The following DAPK2 variants were observed in gnomAD, a reference collection of about 807,000 sequenced individuals.
DAPK2 encodes death associated protein kinase 2, also known as death-associated protein kinase 2.
In DAPK2, 35 loss-of-function variants were observed where a neutral mutation model predicts 44.1. The ratio of observed to expected loss-of-function variants is 0.79; its 90% CI spans 0.61 to 1.05. The LOEUF is 1.05. Among genes scored for constraint, DAPK2 ranks in the 50% least tolerant of loss-of-function variants. DAPK2 has a pLI of 0.00. For synonymous variants in DAPK2, 174 were observed against 182.6 expected (o/e 0.95, Z 0.38); for missense variants, 453 against 483.2 (o/e 0.94, Z 0.59).
At chr15:63,985,938 C>T (rs745635699) in intron 1 of DAPK2, among the ~76,000 whole-genome samples, 8 of 152,316 alleles carry the variant, frequency 5.3e-5, no homozygotes, top group Middle Eastern at 3.4e-3. Context: ...TGAGTGGTGA[C>T]CGGGGCAGGC....
At chr15:63,932,277 C>T (rs1041134536) in intron 4 of DAPK2, among the ~76,000 whole-genome samples, 3 of 151,518 alleles carry the variant, frequency 2.0e-5, no homozygotes, top group African/African-American at 7.3e-5. Context: ...ATCAGCCTGA[C>T]CAACATGGAG....
intron 1 of DAPK2, among the ~76,000 whole-genome samples, chr15:64,024,389 G>A (rs2079777392): frequency 6.6e-6 from 1 of 152,162 alleles, no homozygotes; most frequent in Non-Finnish European, 1.5e-5. Context: ...GCCTGGGTTG[G>A]GGAACAGGAC....
chr15:64,017,248 G>T (rs970104338), intron 1 of DAPK2, among the ~76,000 whole-genome samples: 1 of 152,180 alleles, frequency 6.6e-6, no homozygotes, highest in Non-Finnish European at 1.5e-5. Flanking sequence ...ATGATGTTGA[G>T]TGAGTCACCT....
At chr15:63,971,637 G>A in intron 2 of DAPK2, 76 bp from the exon 4 acceptor site, 1 of 1,519,088 alleles carries the variant, frequency 6.6e-7, no homozygotes, top group Non-Finnish European at 8.9e-7. Context: ...GCTGATAGGG[G>A]CAAGCCCTCA....
At chr15:63,922,864 G>T (rs1243598523) in intron 8 of DAPK2, 10 of 1,535,828 alleles carry the variant, frequency 6.5e-6, no homozygotes, top group Non-Finnish European at 8.7e-6. Flanking sequence ...GCTGGAAGCT[G>T]CCCACCAGCT....
chr15:63,916,180 T>C lies in DAPK2; in HGVS notation c.859-3983A>G, dbSNP rs542665246. On this transcript the variant is annotated intron_variant, in intron 8 of 10. Transcript: ENST00000261891. The surrounding 1 kb of genome is among the most constrained non-coding windows in gnomAD (Gnocchi z 4.7). ...CAAGTTTTGTTTATGCAGCTGCAAA[T>C]GCCTTTGAAAAAGTCCAGTGGGGTG... The C allele has an allele frequency of 1.3e-5, 2 of 151,440 alleles. No homozygotes were observed. Among genetic ancestry groups the C allele is most frequent in the East Asian group, 3.9e-4 (2 of 5,182 alleles). The allele number at this position is 151,440 out of a possible 1,614,324, so 9.4% of individuals were successfully genotyped here. A position where few individuals can be genotyped will look rare whatever the true frequency, so the allele number is the denominator to read the frequency against.
chr15:63,949,313 TC>T, intron 3 of DAPK2, among the ~76,000 whole-genome samples: 1 of 152,268 alleles, frequency 6.6e-6, no homozygotes, highest in South Asian at 2.1e-4. Context: ...GTCTCTATAC[TC>T]TCATGGGATA....
Position 63,939,166 on chromosome 15 carries a change from T to A in DAPK2, c.583+66A>T. On this transcript the variant is annotated intron_variant, in intron 4 of 10. Coordinates refer to ENST00000261891, the Ensembl canonical transcript of DAPK2. The surrounding 1 kb of genome is among the most constrained non-coding windows in gnomAD (Gnocchi z 4.3). ...GAGGCCATAGCCCCAGACACAGGTT[T>A]CTTCCCAGGATCCCTACCTTTGATG... The A allele has an allele frequency of 6.3e-7, 1 of 1,598,554 alleles. No individual in the cohort carries two copies. The highest frequency in any genetic ancestry group is 8.5e-7 in the Non-Finnish European group (1 of 1,171,974).
intron 3 of DAPK2, among the ~76,000 whole-genome samples, chr15:63,955,534 A>T (rs1286266579): frequency 2.0e-5 from 3 of 152,068 alleles, no homozygotes; most frequent in African/African-American, 7.3e-5. Flanking sequence ...ATTTTTCAGC[A>T]TAGTTTGAGT....
chr15:63,951,294 C>T (rs1289609120), intron 3 of DAPK2, among the ~76,000 whole-genome samples: 1 of 152,132 alleles, frequency 6.6e-6, no homozygotes. Flanking sequence ...TCTACAAGGC[C>T]TCTGTGTTGG....
chr15:64,009,662 C>T (rs2079332222), intron 1 of DAPK2, among the ~76,000 whole-genome samples: 1 of 152,088 alleles, frequency 6.6e-6, no homozygotes, highest in South Asian at 2.1e-4. Context: ...GACCATGCCA[C>T]CCCCCAGGAA....
chr15:63,923,169 C>G lies in DAPK2; in HGVS notation c.858+1647G>C, dbSNP rs757969319. On this transcript the variant is annotated intron_variant, in intron 8 of 10. Transcript: ENST00000261891. This position sits in a 1 kb window ranked among gnomAD's most constrained non-coding sequence, Gnocchi z 4.2. Reference sequence around the variant, plus strand: ...TGGGCCTCCACCAGGGCACGGCATCCCAGGTCGACCCGAGCCACGTCTTCC... The same window carrying G: ...TGGGCCTCCACCAGGGCACGGCATCGCAGGTCGACCCGAGCCACGTCTTCC... 6.5e-6 allele frequency: 10 copies of G among 1,535,738 alleles called. No homozygotes were observed. The highest frequency in any genetic ancestry group is 5.5e-5 in the African/African-American group (4 of 73,014).
intron 4 of DAPK2, chr15:63,932,807 T>C (rs2077010911): frequency 6.6e-6 from 1 of 152,218 alleles, no homozygotes; most frequent in South Asian, 2.1e-4. Flanking sequence ...TTTAGCTTTA[T>C]AAAAATGCTG....
At chr15:63,974,438 G>A (rs2078292328) in intron 2 of DAPK2, among the ~76,000 whole-genome samples, 1 of 152,176 alleles carries the variant, frequency 6.6e-6, no homozygotes, top group African/African-American at 2.4e-5. Context: ...TGGAAAAGTG[G>A]AACAACTTGA....
exon 2 of DAPK2, chr15:63,983,629 C>A (rs373888721): frequency 3.7e-6 from 6 of 1,614,186 alleles, no homozygotes; most frequent in Non-Finnish European, 5.1e-6. Flanking sequence ...GCTCACCTCC[C>A]GCTCGATCTC....
intron 3 of DAPK2, among the ~76,000 whole-genome samples, chr15:63,952,101 G>T (rs1461279231): frequency 6.6e-6 from 1 of 152,118 alleles, no homozygotes; most frequent in Admixed American, 6.5e-5. Context: ...TTAGCCAGGC[G>T]TGGTGACAGA....
rs913250203 is a variant in DAPK2, at chr15:64,038,566, C to T, written c.92+1604G>A. On this transcript the variant is annotated intron_variant, in intron 1 of 10. Coordinates refer to ENST00000261891, the Ensembl canonical transcript of DAPK2. ...TCTGGGGTCTCTGCAGTTATTTGCTCCCCCACCCACCATCCAGTCAGCCAG... is the reference window on the plus strand; with the variant it reads ...TCTGGGGTCTCTGCAGTTATTTGCTTCCCCACCCACCATCCAGTCAGCCAG... Among the ~76,000 whole-genome samples the T allele has an allele frequency of 2.0e-5, 3 of 152,256 alleles. No individual in the cohort carries two copies. In the South Asian group the frequency reaches 6.2e-4, roughly 32 times the overall value.
chr15:63,981,775 C>A (rs532388997), intron 2 of DAPK2, among the ~76,000 whole-genome samples: 21 of 152,190 alleles, frequency 1.4e-4, no homozygotes, highest in South Asian at 1.2e-3. Context: ...CAGCTTCTCT[C>A]TGGGTCACGC....
intron 1 of DAPK2, among the ~76,000 whole-genome samples, chr15:64,010,262 C>G (rs867119099): frequency 6.6e-6 from 1 of 152,186 alleles, no homozygotes; most frequent in African/African-American, 2.4e-5. Flanking sequence ...CGAGTTCTCA[C>G]GCAACAGGAA....
Sources: allele counts gnomAD v4.1 joint callset (sites outside exome capture counted in the v4.1 genomes callset), GRCh38; gene constraint gnomAD v4.1.1; non-coding constraint Gnocchi (gnomAD v3.1); transcripts MANE v1.5; gene names NCBI Gene and HGNC (gene_info 2026-07-23, HGNC 2026-07-21).